R3HCC1L: variants seen among roughly 807,000 people sequenced by gnomAD.
R3HCC1L encodes coiled-coil domain-containing protein R3HCC1L.
Under a neutral mutation model 59.9 loss-of-function variants are expected in R3HCC1L, and 51 were observed. That is an observed-to-expected ratio of 0.85 (90% confidence interval 0.68 to 1.07). The LOEUF (loss-of-function observed/expected upper bound fraction) is 1.07. Among genes scored for constraint, R3HCC1L ranks in the 50% least tolerant of loss-of-function variants. R3HCC1L has a pLI of 0.00. For missense variants in R3HCC1L, 965 were observed against 933.0 expected, an observed-to-expected ratio of 1.03 and a Z score of -0.45; for synonymous variants, 322 against 315.2, an observed-to-expected ratio of 1.02 and a Z score of -0.23.
Position 98,236,247 on chromosome 10 carries a change from C to G in R3HCC1L, c.2269+83C>G, listed in dbSNP as rs1564741241. ...TGTTTAAAAAAAAATGAATGAAGCCCATTCCATTTTTGTCGTTTCTGTTTC... is the reference window on the plus strand; with the variant it reads ...TGTTTAAAAAAAAATGAATGAAGCCGATTCCATTTTTGTCGTTTCTGTTTC... On this transcript the variant is annotated intron_variant, in intron 9 of 9. Coordinates refer to ENST00000298999, the MANE Select transcript of R3HCC1L (RefSeq NM_001351015.2). The G allele has an allele frequency of 2.6e-6, 4 of 1,518,990 alleles. No individual in the cohort carries two copies. The Admixed American group carries it at 9.1e-5, about 35-fold the overall frequency. The allele number at this position is 1,518,990 out of a possible 1,614,324, so 94.1% of individuals were successfully genotyped here.
chr10:98,203,862 G>GA (rs1852319498), intron 4 of R3HCC1L, among the ~76,000 whole-genome samples: 1 of 151,962 alleles, frequency 6.6e-6, no homozygotes, highest in South Asian at 2.1e-4. Context: ...CAGTATAACA[G>GA]AAAAAAATGA....
At chr10:98,202,410 C>T (rs540508282) in intron 4 of R3HCC1L, among the ~76,000 whole-genome samples, 1 of 152,248 alleles carries the variant, frequency 6.6e-6, no homozygotes, top group Admixed American at 6.5e-5. Flanking sequence ...TTAAGAGCAT[C>T]ACTGAAGGAC....
chr10:98,222,974 C>G (rs1348077668), intron 5 of R3HCC1L, among the ~76,000 whole-genome samples: 1 of 152,052 alleles, frequency 6.6e-6, no homozygotes, highest in Non-Finnish European at 1.5e-5. Flanking sequence ...ATACACTCTC[C>G]CAAGACTAAA....
At chr10:98,153,871 C>T (rs1170332385) in intron 1 of R3HCC1L, among the ~76,000 whole-genome samples, 2 of 151,168 alleles carry the variant, frequency 1.3e-5, no homozygotes, top group Non-Finnish European at 2.9e-5. Context: ...CGTGGTGTCA[C>T]GTTTCCCCAC....
intron 4 of R3HCC1L, among the ~76,000 whole-genome samples, chr10:98,189,387 T>C (rs1850592381): frequency 6.6e-6 from 1 of 152,206 alleles, no homozygotes; most frequent in Admixed American, 6.5e-5. Flanking sequence ...ACTGTTTGAC[T>C]TCTCATTCTG....
Position 98,175,517 on chromosome 10 carries a change from GTC to G in R3HCC1L, c.-15+12124_-15+12125del, listed in dbSNP as rs1173796957. Among the ~76,000 whole-genome samples the G allele has an allele frequency of 7.9e-5, 12 of 152,168 alleles. No homozygotes were observed. The East Asian group carries it at 2.1e-3, about 27-fold the overall frequency. ...TCTGGCAACCAGTGGTATGTTTTCT[GTC>G]TCTACAGTTTTGTATTTTCCAGGAT... is the stretch of plus-strand genomic sequence containing the variant. On this transcript the variant is annotated intron_variant, in intron 4 of 9. Coordinates refer to ENST00000298999, the MANE Select transcript of R3HCC1L (RefSeq NM_001351015.2).
chr10:98,232,093 A>G (rs1234111999), intron 6 of R3HCC1L, among the ~76,000 whole-genome samples: 3 of 152,110 alleles, frequency 2.0e-5, no homozygotes, highest in Non-Finnish European at 4.4e-5. Flanking sequence ...GGCTCAAGCA[A>G]TCCTCCCAGC....
At chr10:98,224,416 A>G (rs1017942433) in intron 5 of R3HCC1L, among the ~76,000 whole-genome samples, 1 of 152,164 alleles carries the variant, frequency 6.6e-6, no homozygotes, top group Non-Finnish European at 1.5e-5. Flanking sequence ...TCTCTCCCCT[A>G]TCCTTTTATC....
intron 4 of R3HCC1L, among the ~76,000 whole-genome samples, chr10:98,176,091 G>T (rs1044991073): frequency 3.9e-5 from 6 of 151,992 alleles, no homozygotes; most frequent in African/African-American, 1.5e-4. Context: ...TCATATATGT[G>T]TGAGTCTTCT....
Position 98,209,579 on chromosome 10 carries a change from T to C in R3HCC1L, c.1465T>C (p.Ser489Pro). Reference sequence around the variant, plus strand: ...TAGTAATTATAACACTTTTTTGGACTCTGAACTCAGTATGTTAAATGGGAC... The same window carrying C: ...TAGTAATTATAACACTTTTTTGGACCCTGAACTCAGTATGTTAAATGGGAC... ...AGSNYNTFLD[S>P]ELSMLNGTKV... The change falls in exon 5 of 10, where the codon TCT (serine) becomes CCT (proline). Residue 489 changes from serine to proline, a missense_variant. Ser to Pro is a moderately conservative substitution (Grantham distance 74). Transcript: ENST00000298999. The C allele has an allele frequency of 6.2e-7, 1 of 1,614,044 alleles. No homozygotes were observed. Among genetic ancestry groups the C allele is most frequent in the South Asian group, 1.1e-5 (1 of 91,078 alleles).
At chr10:98,205,279 T>C (rs957642494) in intron 4 of R3HCC1L, among the ~76,000 whole-genome samples, 2 of 152,166 alleles carry the variant, frequency 1.3e-5, no homozygotes, top group African/African-American at 2.4e-5. Context: ...TACATTTTTT[T>C]CCCCAACTCT....
chr10:98,220,205 G>C (rs1854709648), intron 5 of R3HCC1L, among the ~76,000 whole-genome samples: 1 of 151,984 alleles, frequency 6.6e-6, no homozygotes, highest in Non-Finnish European at 1.5e-5. Flanking sequence ...GTTCAGGATT[G>C]ATTTAGTTCT....
At chr10:98,169,441 A>G (rs1564640743) in intron 4 of R3HCC1L, among the ~76,000 whole-genome samples, 1 of 152,338 alleles carries the variant, frequency 6.6e-6, no homozygotes, top group South Asian at 2.1e-4. Context: ...GATAATGTAT[A>G]TACAATGTTT....
At chr10:98,152,064 T>A (rs2134014069) in intron 1 of R3HCC1L, among the ~76,000 whole-genome samples, 1 of 152,196 alleles carries the variant, frequency 6.6e-6, no homozygotes, top group East Asian at 1.9e-4. Flanking sequence ...CTGATTCTCC[T>A]GCCTCAGCCT....
chr10:98,153,376 G>A (rs1413789117), intron 1 of R3HCC1L, among the ~76,000 whole-genome samples: 1 of 152,144 alleles, frequency 6.6e-6, no homozygotes, highest in East Asian at 1.9e-4. Context: ...TAAGGGCGGT[G>A]CAACATGTGC....
At chr10:98,158,153 G>A (rs969103293) in intron 2 of R3HCC1L, among the ~76,000 whole-genome samples, 4 of 152,128 alleles carry the variant, frequency 2.6e-5, no homozygotes, top group Non-Finnish European at 4.4e-5. Flanking sequence ...ACTATTAACA[G>A]ATCAGTGTAT....
chr10:98,145,680 G>A (rs1342019035), intron 1 of R3HCC1L, among the ~76,000 whole-genome samples: 2 of 152,150 alleles, frequency 1.3e-5, no homozygotes. Flanking sequence ...CGCTGGGCGC[G>A]GTGGCCCACG....
At chr10:98,143,662 G>A (rs1308074136) in intron 1 of R3HCC1L, among the ~76,000 whole-genome samples, 1 of 152,156 alleles carries the variant, frequency 6.6e-6, no homozygotes, top group Non-Finnish European at 1.5e-5. Flanking sequence ...CCCCTCAGTG[G>A]AGAGAAAACA....
chr10:98,137,068 G>C (rs2133812656), intron 1 of R3HCC1L, among the ~76,000 whole-genome samples: 1 of 152,102 alleles, frequency 6.6e-6, no homozygotes, highest in Middle Eastern at 3.4e-3. Context: ...AAAATTAGCT[G>C]GGCGTGGTGG....
Sources: gnomAD v4.1 joint callset for allele counts (sites outside exome capture counted in the v4.1 genomes callset) on GRCh38, gnomAD v4.1.1 for gene constraint, MANE v1.5 for transcripts, NCBI Gene and HGNC (gene_info 2026-07-23, HGNC 2026-07-21) for gene names.